NPAS2: variants seen among roughly 807,000 people sequenced by gnomAD.
The protein encoded by NPAS2 is neuronal PAS domain-containing protein 2.
In NPAS2, 23 loss-of-function variants were observed where a neutral mutation model predicts 107.5. The ratio of observed to expected loss-of-function variants is 0.21; its 90% CI spans 0.15 to 0.30. The LOEUF (loss-of-function observed/expected upper bound fraction) is 0.30, where lower values mean the gene tolerates loss of function less well. Among genes scored for constraint, NPAS2 ranks in the 10% least tolerant of loss-of-function variants. The pLI, the probability that NPAS2 is intolerant of heterozygous loss-of-function variation, is 1.00. For synonymous variants in NPAS2, 403 were observed against 417.5 expected (o/e 0.97, Z 0.42); for missense variants, 756 against 1,043.3 (o/e 0.72, Z 3.79).
At chr2:100,894,865 T>C (rs1373406897) in intron 1 of NPAS2, among the ~76,000 whole-genome samples, 1 of 152,068 alleles carries the variant, frequency 6.6e-6, no homozygotes, top group Non-Finnish European at 1.5e-5. Context: ...AGTACTGCTC[T>C]TATGGCCGCA....
chr2:100,963,545 C>T (rs551842295), intron 7 of NPAS2, among the ~76,000 whole-genome samples: 2 of 152,200 alleles, frequency 1.3e-5, no homozygotes, highest in African/African-American at 4.8e-5. Flanking sequence ...ATTACAGGCA[C>T]ACACCACCAT....
chr2:100,952,558 C>CT (rs1371780198), intron 7 of NPAS2, among the ~76,000 whole-genome samples: 5 of 151,334 alleles, frequency 3.3e-5, no homozygotes, highest in Non-Finnish European at 5.9e-5. Flanking sequence ...GAGCAAAACT[C>CT]TGTCTCAAAA....
In NPAS2 at chr2:100,820,166, A is replaced by C. The variant is rs1306170569; in HGVS notation, c.-271A>C. ...GTGCGGAAGAGTTTGCCGCGCGAGC[A>C]GCCGGCCTCTCGCAGGAGCCGAGGG... On this transcript the variant is annotated 5_prime_UTR_variant, in exon 1 of 21. Transcript: ENST00000335681. This position sits in a 1 kb window ranked among gnomAD's most constrained non-coding sequence, Gnocchi z 5.6. 6.6e-6 allele frequency: 1 copy of C among 150,592 alleles called. No individual in the cohort carries two copies. The highest frequency in any genetic ancestry group is 2.4e-5 in the African/African-American group (1 of 41,126). 9.3% of individuals were successfully genotyped at this position (150,592 alleles called of 1,614,324 possible).
intron 1 of NPAS2, among the ~76,000 whole-genome samples, chr2:100,851,024 G>A (rs1038716592): frequency 6.8e-5 from 10 of 146,712 alleles, no homozygotes; most frequent in Admixed American, 2.0e-4. Context: ...TGAATATTGA[G>A]GACACTATGC....
At chr2:100,958,670 TC>T (rs1259409610) in intron 7 of NPAS2, among the ~76,000 whole-genome samples, 2 of 152,226 alleles carry the variant, frequency 1.3e-5, no homozygotes, top group African/African-American at 4.8e-5. Flanking sequence ...AGCAACCTCA[TC>T]TTTCTGCTCG....
At chr2:100,970,966 G>T (rs368011667) in intron 11 of NPAS2, 24 bp from the exon 12 acceptor site, 1 of 1,610,282 alleles carries the variant, frequency 6.2e-7, no homozygotes. Context: ...CATCTCCACT[G>T]TGGTCTCTTA....
In NPAS2 at chr2:100,949,382, A is replaced by T; in HGVS notation, c.500A>T (p.Glu167Val). ...PEYLKSDSDL[E>V]FYCHLLRGSL... ...AACGGCCCAGCTGACAGCGATTTAG[A>T]GTTTTATTGCCATCTTCTCAGAGGC... Residue 167 changes from glutamate to valine, a missense_variant, in exon 7 of 21, where the codon GAG becomes GTG. Physicochemically the swap from Glu to Val is moderately radical, Grantham distance 121. Transcript: ENST00000335681. 6.2e-7 allele frequency: 1 copy of T among 1,611,494 alleles called. No homozygotes were observed. The highest frequency in any genetic ancestry group is 8.5e-7 in the Non-Finnish European group (1 of 1,177,606).
intron 1 of NPAS2, among the ~76,000 whole-genome samples, chr2:100,903,148 A>G (rs890291542): frequency 2.0e-5 from 3 of 152,226 alleles, no homozygotes; most frequent in African/African-American, 7.2e-5. Flanking sequence ...AGCTCTGTCC[A>G]GGGGCCCCTG....
chr2:100,977,703 C>T lies in NPAS2; in HGVS notation c.1393-7C>T. On this transcript the variant is annotated splice_region_variant and splice_polypyrimidine_tract_variant and intron_variant, in intron 14 of 20. Transcript: ENST00000335681. The stretch of plus-strand genomic sequence containing the variant: ...CAGTGGTAACAAAGCCCCTTTCTCT[C>T]CCACAGGCCCCTCTGCCTTCCCCAT... The T allele has an allele frequency of 6.2e-7, 1 of 1,613,332 alleles. No homozygotes were observed. The highest frequency in any genetic ancestry group is 8.5e-7 in the Non-Finnish European group (1 of 1,179,210).
intron 2 of NPAS2, among the ~76,000 whole-genome samples, chr2:100,914,198 C>A (rs1435735634): frequency 6.6e-6 from 1 of 152,130 alleles, no homozygotes; most frequent in Non-Finnish European, 1.5e-5. Context: ...TGCCTTGGAA[C>A]CATGGCCCTC....
At chr2:100,957,584 C>T (rs1448878664) in intron 7 of NPAS2, among the ~76,000 whole-genome samples, 2 of 152,262 alleles carry the variant, frequency 1.3e-5, no homozygotes, top group Non-Finnish European at 2.9e-5. Flanking sequence ...GTAGCCCCAC[C>T]TGACCACTCT....
chr2:100,944,432 G>A (rs1674764491), intron 5 of NPAS2, among the ~76,000 whole-genome samples: 1 of 152,112 alleles, frequency 6.6e-6, no homozygotes, highest in South Asian at 2.1e-4. Context: ...TAGGAGAGAG[G>A]ACTGCCCACC....
At chr2:100,839,320 G>C in intron 1 of NPAS2, among the ~76,000 whole-genome samples, 1 of 152,016 alleles carries the variant, frequency 6.6e-6, no homozygotes, top group South Asian at 2.1e-4. Flanking sequence ...GTAGAGACAG[G>C]GTTTCAGCAT....
intron 20 of NPAS2, 27 bp downstream of exon 20, chr2:100,993,554 C>G (rs1435502309): frequency 6.7e-7 from 1 of 1,485,762 alleles, no homozygotes; most frequent in South Asian, 1.3e-5. Flanking sequence ...AGGGGGCCCC[C>G]GTGCAGGCCT....
intron 8 of NPAS2, 46 bp from the exon 9 acceptor site, chr2:100,964,815 A>G (rs756762040): frequency 1.6e-6 from 2 of 1,219,224 alleles, no homozygotes; most frequent in South Asian, 1.3e-5. Context: ...TAGGGTGAGC[A>G]TCTGGCACCC....
At chr2:100,966,532 C>T (rs551386681) in intron 10 of NPAS2, among the ~76,000 whole-genome samples, 7 of 151,636 alleles carry the variant, frequency 4.6e-5, no homozygotes, top group South Asian at 2.1e-4. Context: ...ATGCATGAAT[C>T]GACCACTAAC....
At chr2:100,925,374 G>T in intron 3 of NPAS2, 80 bp downstream of exon 3, 1 of 1,512,396 alleles carries the variant, frequency 6.6e-7, no homozygotes, top group Non-Finnish European at 9.0e-7. Flanking sequence ...TGGGCTGCCT[G>T]GTTGGTTTTG....
chr2:100,917,865 A>C (rs1682986025), intron 2 of NPAS2, among the ~76,000 whole-genome samples: 1 of 152,214 alleles, frequency 6.6e-6, no homozygotes, highest in Admixed American at 6.5e-5. Flanking sequence ...ATTCTGCCAG[A>C]CATTAAAAGA....
intron 2 of NPAS2, among the ~76,000 whole-genome samples, chr2:100,914,522 G>A (rs1456152353): frequency 6.6e-6 from 1 of 152,160 alleles, no homozygotes; most frequent in East Asian, 1.9e-4. Context: ...AATACCAAGG[G>A]AAGAAGGGCC....
Sources: gnomAD v4.1 joint callset for allele counts (sites outside exome capture counted in the v4.1 genomes callset) on GRCh38, gnomAD v4.1.1 for gene constraint, Gnocchi (gnomAD v3.1) non-coding constraint, MANE v1.5 for transcripts, NCBI Gene and HGNC (gene_info 2026-07-23, HGNC 2026-07-21) for gene names.